Variants in LIG3 observed in about 807,000 individuals in gnomAD.
The protein encoded by LIG3 is ligase II, DNA, ATP-dependent.
Under a neutral mutation model 110.9 loss-of-function variants are expected in LIG3, and 58 were observed. The ratio of observed to expected loss-of-function variants is 0.52; its 90% confidence interval spans 0.42 to 0.65. The LOEUF is 0.65. Ranked by LOEUF, LIG3 falls within the 30% of genes least tolerant of loss-of-function variation. The probability of loss-of-function intolerance (pLI) is 0.00; values close to 1 mark genes in which losing one functional copy is unlikely to be tolerated. For missense variants in LIG3, 1,094 were observed against 1,273.8 expected, an observed-to-expected ratio of 0.86 and a Z score of 2.15; for synonymous variants, 422 against 472.8, an observed-to-expected ratio of 0.89 and a Z score of 1.39.
Position 35,004,577 on chromosome 17 carries a change from G to A in LIG3, c.*71G>A, listed in dbSNP as rs985420766. The A allele has an allele frequency of 5.2e-5, 68 of 1,305,874 alleles. No homozygotes were observed. Among genetic ancestry groups the A allele is most frequent in the Non-Finnish European group, 7.2e-5 (66 of 910,724 alleles). 80.9% of individuals were successfully genotyped at this position (1,305,874 alleles called of 1,614,324 possible). ...ACTACTGGACTGGACTCAGGCTGGA[G>A]GCAGATAGACACAGTATAGGGGGAA... On this transcript the variant is annotated 3_prime_UTR_variant, in exon 20 of 20. Transcript: ENST00000378526.
At position 34,999,448 on chromosome 17, in the gene LIG3, A is replaced by G. The variant is rs1333486658; in HGVS notation, c.2255A>G (p.Lys752Arg). The change falls in exon 15 of 20, where the codon AAG becomes AGG. Residue 752 changes from lysine (K) to arginine (R), a missense_variant and splice_region_variant. Coordinates refer to ENST00000378526, the MANE Select transcript of LIG3 (RefSeq NM_013975.4). ...GAACTAGACATGGTGAAGATCAGCA[A>G]GGTGAGGAAGGGACCTGGTTGGCCA... The part of the protein sequence containing the change: ...QNELDMVKIS[K>R]DPSKIPSWLK... 1.2e-6 allele frequency: 2 copies of G among 1,613,508 alleles called. No individual in the cohort carries two copies. Among genetic ancestry groups the G allele is most frequent in the East Asian group, 4.5e-5 (2 of 44,896 alleles).
At chr17:34,996,912 A>T (rs2090784075) in intron 11 of LIG3, 1 of 451,368 alleles carries the variant, frequency 2.2e-6, no homozygotes. Context: ...CTTAAGTCAC[A>T]GAAGAAACCC....
chr17:35,001,176 G>T, intron 16 of LIG3, 81 bp from the exon 17 acceptor site: 1 of 1,465,074 alleles, frequency 6.8e-7, no homozygotes, highest in Non-Finnish European at 9.5e-7. Flanking sequence ...TAAGTGCTGG[G>T]ATTACAGGCT....
rs75467031 is a variant in LIG3 at position 35,002,795 on chromosome 17, G to A, written c.2796+6G>A. 2,400 of 1,590,796 alleles carry A rather than the reference G, an allele frequency of 1.5e-3. 3 individuals are homozygous for A. The highest frequency in any genetic ancestry group is 2.7e-3 in the Middle Eastern group (16 of 5,912). On this transcript the variant is annotated splice_donor_region_variant and intron_variant, in intron 19 of 19. Transcript: ENST00000378526. ...AGACGCTGTGCCAAACAAAGGTGAG[G>A]GTAAAAACAGCAACACACCACGTGG...
intron 9 of LIG3, among the ~76,000 whole-genome samples, chr17:34,995,082 G>A (rs948150749): frequency 3.3e-5 from 5 of 152,148 alleles, no homozygotes; most frequent in South Asian, 2.1e-4. Context: ...ATCTGGCTCC[G>A]GTAGCTTGTG....
intron 3 of LIG3, among the ~76,000 whole-genome samples, chr17:34,988,653 T>A (rs1037421071): frequency 2.6e-5 from 4 of 152,194 alleles, no homozygotes; most frequent in Admixed American, 6.5e-5. Flanking sequence ...ATGTATTATT[T>A]TTTTTTTATA....
At chr17:34,994,496 C>A in intron 9 of LIG3, 65 bp downstream of exon 9, 1 of 1,519,326 alleles carries the variant, frequency 6.6e-7, no homozygotes, top group Non-Finnish European at 9.0e-7. Flanking sequence ...ACCTCAGGGC[C>A]AGAGTCCCAT....
chr17:34,983,051 C>T lies in LIG3; in HGVS notation c.46C>T (p.Leu16Phe), dbSNP rs1190842575. The change falls in exon 2 of 20, where the codon CTC becomes TTC. Residue 16 changes from leucine (L) to phenylalanine (F), a missense_variant. By Grantham distance (22) the Leu-to-Phe change is conservative. Transcript: ENST00000378526. ...CTTCTTTCCACAAACCCTCCGTGCA[C>T]TCAGCCGAAAAGAACTGTGCCTATT... ...KIFFPQTLRALSRKELCLFRK... is the reference protein window; with the variant it reads ...KIFFPQTLRAFSRKELCLFRK... 1.2e-6 allele frequency: 2 copies of T among 1,611,138 alleles called. No homozygotes were observed. The highest frequency in any genetic ancestry group is 1.7e-6 in the Non-Finnish European group (2 of 1,178,516).
intron 13 of LIG3, 67 bp downstream of exon 13, chr17:34,998,363 C>G (rs990506051): frequency 1.4e-6 from 2 of 1,424,534 alleles, no homozygotes; most frequent in African/African-American, 2.8e-5. Flanking sequence ...GCCTTTCCAG[C>G]CCTGACCAGG....
At position 35,001,982 on chromosome 17, in the gene LIG3, G is replaced by C. The variant is rs746484841; in HGVS notation, c.2552G>C (p.Gly851Ala). Residue 851 changes from glycine (G) to alanine (A), a missense_variant, in exon 18 of 20, where the codon GGG (glycine) becomes GCG (alanine). By Grantham distance (60) the Gly-to-Ala change is moderately conservative. Transcript: ENST00000378526. ...VAGDEGSSTT[G>A]GSSEENKGPS... ...GGAGATGAGGGGAGCTCCACTACAG[G>C]GGGTAGCAGTGAAGAGAATAAGGGT... 1.7e-5 allele frequency: 28 copies of C among 1,612,984 alleles called. No individual in the cohort carries two copies. The highest frequency in any genetic ancestry group is 5.3e-5 in the African/African-American group (4 of 74,854).
intron 9 of LIG3, among the ~76,000 whole-genome samples, chr17:34,994,882 A>G (rs2090761998): frequency 6.6e-6 from 1 of 152,220 alleles, no homozygotes; most frequent in Non-Finnish European, 1.5e-5. Context: ...AGCAGTGGAA[A>G]AAATGGACAA....
intron 8 of LIG3, among the ~76,000 whole-genome samples, chr17:34,993,007 C>T (rs118178015): frequency 6.6e-6 from 1 of 152,114 alleles, no homozygotes; most frequent in East Asian, 1.9e-4. Flanking sequence ...CTGAGGCATC[C>T]CCCTAGAATG....
intron 4 of LIG3, among the ~76,000 whole-genome samples, chr17:34,990,383 A>G (rs1219985603): frequency 6.6e-6 from 1 of 152,132 alleles, no homozygotes; most frequent in African/African-American, 2.4e-5. Context: ...GGGCTCAAGC[A>G]GTCCTTCTGC....
intron 11 of LIG3, 187 bp from the exon 12 acceptor site, chr17:34,997,551 T>C (rs2090791581): frequency 3.5e-6 from 2 of 569,120 alleles, no homozygotes; most frequent in South Asian, 4.3e-5. Context: ...AGCTCACAAT[T>C]TTCCATCTTC....
chr17:34,992,888 A>G (rs1488242615), intron 8 of LIG3, among the ~76,000 whole-genome samples, 196 bp downstream of exon 8: 1 of 152,130 alleles, frequency 6.6e-6, no homozygotes, highest in Non-Finnish European at 1.5e-5. Context: ...TCTAGTGGAA[A>G]GACCTGAGTT....
At chr17:34,994,814 A>C (rs2090761441) in intron 9 of LIG3, among the ~76,000 whole-genome samples, 1 of 152,190 alleles carries the variant, frequency 6.6e-6, no homozygotes, top group East Asian at 1.9e-4. Context: ...GTCATTCATT[A>C]ATTTGTTCAA....
intron 7 of LIG3, 26 bp downstream of exon 7, chr17:34,992,061 T>A (rs1316380468): frequency 1.3e-6 from 2 of 1,588,182 alleles, no homozygotes; most frequent in Admixed American, 3.3e-5. Context: ...GCTGACAGCC[T>A]GAGCTGTCAT....
At chr17:34,999,936 A>C in intron 16 of LIG3, 80 bp downstream of exon 16, 471 of 1,168,914 alleles carry the variant, frequency 4.0e-4, no homozygotes, top group Non-Finnish European at 5.4e-4. Flanking sequence ...AATCCATCTC[A>C]CCTCGCTGAA....
Position 35,004,831 on chromosome 17 carries a change from C to A in LIG3, c.*325C>A. 1 of 296,450 alleles carries A rather than the reference C, an allele frequency of 3.4e-6. No individual in the cohort carries two copies. The highest frequency in any genetic ancestry group is 6.4e-6 in the Non-Finnish European group (1 of 155,864). The allele number at this position is 296,450 out of a possible 1,614,324, so 18.4% of individuals were successfully genotyped here. On this transcript the variant is annotated 3_prime_UTR_variant, in exon 20 of 20. Transcript: ENST00000378526. ...TCTTTGTCCTTTCCCCACCTACACC[C>A]CCAATAATTTCCCTAGAGATTAAGG...
Sources: gnomAD v4.1 joint callset for allele counts (sites outside exome capture counted in the v4.1 genomes callset) on GRCh38, gnomAD v4.1.1 for gene constraint, MANE v1.5 for transcripts, NCBI Gene and HGNC (gene_info 2026-07-23, HGNC 2026-07-21) for gene names.